SIAH3: variants seen among roughly 807,000 people sequenced by gnomAD.
SIAH3 encodes siah E3 ubiquitin protein ligase family member 3.
Under a neutral mutation model 12.6 loss-of-function variants are expected in SIAH3, and 9 were observed. The ratio of observed to expected loss-of-function variants is 0.72; its 90% CI spans 0.43 to 1.25. The LOEUF is 1.25. Among genes scored for constraint, SIAH3 ranks in the 50% most tolerant of loss-of-function variants. The probability of loss-of-function intolerance (pLI) is 0.00; values close to 1 mark genes in which losing one functional copy is unlikely to be tolerated. For synonymous variants in SIAH3, 154 were observed against 151.1 expected (o/e 1.02, Z -0.14); for missense variants, 390 against 365.4 (o/e 1.07, Z -0.55).
intron 1 of SIAH3, among the ~76,000 whole-genome samples, chr13:45,784,403 T>TTG (rs1410994745): frequency 6.8e-6 from 1 of 146,176 alleles, no homozygotes; most frequent in African/African-American, 2.7e-5. Flanking sequence ...CAGCTGTTTT[T>TTG]TTTTTTTTTT....
At chr13:45,803,602 T>C (rs896516395) in intron 1 of SIAH3, among the ~76,000 whole-genome samples, 4 of 152,052 alleles carry the variant, frequency 2.6e-5, no homozygotes, top group Non-Finnish European at 5.9e-5. Context: ...AACATTCAGG[T>C]AGACAAAAAG....
intron 1 of SIAH3, among the ~76,000 whole-genome samples, chr13:45,823,259 G>C (rs1950662693): frequency 6.6e-6 from 1 of 152,144 alleles, no homozygotes; most frequent in Non-Finnish European, 1.5e-5. Flanking sequence ...CTAGAGTGCT[G>C]ACTTAATCGG....
intron 1 of SIAH3, among the ~76,000 whole-genome samples, chr13:45,797,316 A>T (rs1248852495): frequency 6.6e-6 from 1 of 152,154 alleles, no homozygotes; most frequent in East Asian, 1.9e-4. Context: ...GCCTTCTCCC[A>T]GGCCAGGATT....
intron 1 of SIAH3, among the ~76,000 whole-genome samples, chr13:45,849,438 T>C (rs1950771957): frequency 1.3e-5 from 2 of 152,232 alleles, no homozygotes; most frequent in Non-Finnish European, 2.9e-5. Flanking sequence ...CTACAAATTA[T>C]ATATACAATA....
At chr13:45,811,210 T>G (rs138159087) in intron 1 of SIAH3, among the ~76,000 whole-genome samples, 45 of 152,228 alleles carry the variant, frequency 3.0e-4, no homozygotes, top group Admixed American at 1.2e-3. Flanking sequence ...TGGTAATGAG[T>G]GCTGGTGGTG....
Position 45,805,473 on chromosome 13 carries a change from G to C in SIAH3, c.136-21416C>G, listed in dbSNP as rs1593379531. ...GATAAAGTTGACAATAACAAGCAAT[G>C]GGAAAAGGACTCCCTATTCAATAAA... On this transcript the variant is annotated intron_variant, in intron 1 of 1. Coordinates refer to ENST00000400405, the MANE Select transcript of SIAH3 (RefSeq NM_198849.3). Among the ~76,000 whole-genome samples, 3 of 152,216 alleles carry C rather than the reference G, an allele frequency of 2.0e-5. No individual in the cohort carries two copies. The East Asian group carries it at 5.8e-4, about 29-fold the overall frequency.
chr13:45,829,528 G>A lies in SIAH3; in HGVS notation c.135+21967C>T, dbSNP rs1950690968. ...GGAGGCTAAAGTTGGAGGATTGCTT[G>A]AGCCCAAAAGGTCAAGGCTGCAGTG... On this transcript the variant is annotated intron_variant, in intron 1 of 1. Coordinates refer to ENST00000400405, the MANE Select transcript of SIAH3 (RefSeq NM_198849.3). Among the ~76,000 whole-genome samples, 3 of 152,204 alleles carry A rather than the reference G, an allele frequency of 2.0e-5. No homozygotes were observed. The East Asian group carries it at 5.8e-4, about 29-fold the overall frequency.
intron 1 of SIAH3, among the ~76,000 whole-genome samples, chr13:45,831,605 T>A (rs1168749507): frequency 6.6e-6 from 1 of 152,092 alleles, no homozygotes; most frequent in Non-Finnish European, 1.5e-5. Context: ...TATACTCTAA[T>A]GAGAAGGCAG....
chr13:45,823,762 A>C (rs753149684), intron 1 of SIAH3, among the ~76,000 whole-genome samples: 4 of 152,208 alleles, frequency 2.6e-5, no homozygotes, highest in Non-Finnish European at 5.9e-5. Context: ...GGCACTGTGC[A>C]AGTGTTAATC....
At chr13:45,843,321 C>T (rs1950747519) in intron 1 of SIAH3, among the ~76,000 whole-genome samples, 1 of 152,082 alleles carries the variant, frequency 6.6e-6, no homozygotes, top group Non-Finnish European at 1.5e-5. Flanking sequence ...CCATCTCTGT[C>T]TCTACCCTGC....
rs1255530375 is a variant in SIAH3 at position 45,783,763 on chromosome 13, G to T, written c.430C>A (p.Leu144Met). 1 of 1,614,116 alleles carries T rather than the reference G, an allele frequency of 6.2e-7. No individual in the cohort carries two copies. The highest frequency in any genetic ancestry group is 1.3e-5 in the African/African-American group (1 of 74,942). ...GCGGGGAGGTGCATGTCCGTGGCCAGGAAGACGATCTCGGCTCCCTGGAGG... is the reference window on the plus strand; with the variant it reads ...GCGGGGAGGTGCATGTCCGTGGCCATGAAGACGATCTCGGCTCCCTGGAGG... ...DILQGAEIVF[L>M]ATDMHLPAPA... Residue 144 changes from leucine to methionine, a missense_variant, in exon 2 of 2, where the codon CTG (leucine) becomes ATG (methionine). Coordinates refer to ENST00000400405, the MANE Select transcript of SIAH3 (RefSeq NM_198849.3).
intron 1 of SIAH3, among the ~76,000 whole-genome samples, chr13:45,800,008 G>A (rs555087438): frequency 2.6e-5 from 4 of 152,180 alleles, no homozygotes; most frequent in South Asian, 2.1e-4. Flanking sequence ...GATAACTATG[G>A]GTTGATGACA....
chr13:45,785,068 A>T (rs1403403072), intron 1 of SIAH3, among the ~76,000 whole-genome samples: 1 of 152,210 alleles, frequency 6.6e-6, no homozygotes, highest in Non-Finnish European at 1.5e-5. Context: ...AACGTGATGG[A>T]GCCTGCAAAA....
At chr13:45,790,202 G>A (rs1261183294) in intron 1 of SIAH3, among the ~76,000 whole-genome samples, 1 of 152,146 alleles carries the variant, frequency 6.6e-6, no homozygotes, top group African/African-American at 2.4e-5. Flanking sequence ...GGAGAGATTG[G>A]TTAGTACACA....
At chr13:45,785,176 C>T (rs1472322396) in intron 1 of SIAH3, among the ~76,000 whole-genome samples, 2 of 152,206 alleles carry the variant, frequency 1.3e-5, no homozygotes, top group African/African-American at 2.4e-5. Context: ...CTCCCTCCTC[C>T]GTTTCCTGAC....
chr13:45,821,116 G>T (rs1593383480), intron 1 of SIAH3, among the ~76,000 whole-genome samples: 1 of 152,190 alleles, frequency 6.6e-6, no homozygotes, highest in Non-Finnish European at 1.5e-5. Flanking sequence ...AAAGTTGATT[G>T]AATTAAGGTG....
intron 1 of SIAH3, among the ~76,000 whole-genome samples, chr13:45,822,726 A>T (rs77754639): frequency 0.012 from 1,812 of 151,922 alleles, 33 homozygotes; most frequent in African/African-American, 0.037. Context: ...CTCAGCCTGG[A>T]TGACAAATGT....
rs759661031 is a variant in SIAH3 at position 45,848,233 on chromosome 13, G to A, written c.135+3262C>T. On this transcript the variant is annotated intron_variant, in intron 1 of 1. Coordinates refer to ENST00000400405, the MANE Select transcript of SIAH3 (RefSeq NM_198849.3). ...CTCCTTGACGGTCACTTTTCATGGGGTGGAAAGAAGTGGGGGCACCATTTG... is the reference window on the plus strand; with the variant it reads ...CTCCTTGACGGTCACTTTTCATGGGATGGAAAGAAGTGGGGGCACCATTTG... 5.3e-5 allele frequency among the ~76,000 whole-genome samples: 8 copies of A among 152,322 alleles called. No homozygotes were observed. In the East Asian group the frequency reaches 1.5e-3, roughly 29 times the overall value.
intron 1 of SIAH3, among the ~76,000 whole-genome samples, chr13:45,839,173 G>T (rs1271158779): frequency 6.6e-6 from 1 of 151,780 alleles, no homozygotes; most frequent in Non-Finnish European, 1.5e-5. Flanking sequence ...TAAAAGCCAC[G>T]TTCTCTTAAA....
Sources: gnomAD v4.1 joint callset for allele counts (sites outside exome capture counted in the v4.1 genomes callset) on GRCh38, gnomAD v4.1.1 for gene constraint, MANE v1.5 for transcripts, NCBI Gene and HGNC (gene_info 2026-07-23, HGNC 2026-07-21) for gene names.